SARAF: variants seen among roughly 807,000 people sequenced by gnomAD.
SARAF encodes the protein store-operated calcium entry associated regulatory factor, also known as store-operated calcium entry-associated regulatory factor.
SARAF carries 23 observed loss-of-function variants against 39.7 expected under a neutral mutation model. The ratio of observed to expected loss-of-function variants is 0.58; its 90% CI spans 0.42 to 0.82. The LOEUF (loss-of-function observed/expected upper bound fraction) is 0.82. SARAF is among the 40% of genes least tolerant of loss of function. The pLI is 0.00. For missense variants in SARAF, 384 were observed against 418.5 expected (o/e 0.92, Z 0.72); for synonymous variants, 175 against 168.5 (o/e 1.04, Z -0.30).
intron 3 of SARAF, among the ~76,000 whole-genome samples, chr8:30,067,468 C>A (rs1387127134): frequency 1.3e-5 from 2 of 152,110 alleles, no homozygotes; most frequent in African/African-American, 2.4e-5. Context: ...TACATATGTA[C>A]CTATCCATGT....
chr8:30,077,680 T>G (rs1050959533), intron 1 of SARAF, among the ~76,000 whole-genome samples: 3 of 151,190 alleles, frequency 2.0e-5, no homozygotes, highest in Non-Finnish European at 4.4e-5. Flanking sequence ...CGCGTGCCTG[T>G]AGTCCCAGCT....
At chr8:30,075,991 C>CAAAAAAAAAA (rs1300124776) in intron 1 of SARAF, among the ~76,000 whole-genome samples, 2 of 31,004 alleles carry the variant, frequency 6.5e-5, no homozygotes, top group African/African-American at 9.6e-5. Flanking sequence ...TAAAAAAAAA[C>CAAAAAAAAAA]AAAAAAAAAA....
intron 2 of SARAF, 59 bp downstream of exon 2, chr8:30,073,818 A>G (rs1585440582): frequency 1.3e-6 from 2 of 1,492,676 alleles, no homozygotes; most frequent in East Asian, 2.3e-5. Context: ...TAATGTCCCA[A>G]TAAACAATTT....
At chr8:30,083,165 G>C, upstream of SARAF, 1 of 465,452 alleles carries the variant, frequency 2.1e-6, no homozygotes. Context: ...GTGGGCCCCC[G>C]CCCCTGGAGC....
In SARAF at chr8:30,082,872, GC is replaced by G; in HGVS notation, c.77del (p.Gly26AlafsTer17). ...CAGGGTCGTTCCAGCCCAGGGCAGG[GC>G]CCGCGGTCAGCAGAAACAAATGCAA... ...LGLHLFLLTA[G>X]PALGWNDPDR... On this transcript the variant is annotated frameshift_variant, in exon 1 of 6. Coordinates refer to ENST00000256255, the MANE Select transcript of SARAF (RefSeq NM_016127.6). LOFTEE classifies it high-confidence loss of function. 1 of 1,556,348 alleles carries G rather than the reference GC, an allele frequency of 6.4e-7. No individual in the cohort carries two copies. Among genetic ancestry groups the G allele is most frequent in the Non-Finnish European group, 8.7e-7 (1 of 1,152,600 alleles).
chr8:30,065,956 AG>A (rs1260306243), intron 5 of SARAF, 31 bp downstream of exon 5: 1 of 1,551,562 alleles, frequency 6.4e-7, no homozygotes. Context: ...CTTTACTCCT[AG>A]GTAAAAGGAA....
At chr8:30,066,294 T>G (rs1801692650) in intron 4 of SARAF, among the ~76,000 whole-genome samples, 155 bp from the exon 5 acceptor site, 1 of 152,194 alleles carries the variant, frequency 6.6e-6, no homozygotes, top group Non-Finnish European at 1.5e-5. Context: ...TAAAAACCGT[T>G]TCATATTTCT....
At position 30,082,827 on chromosome 8, in the gene SARAF, A is replaced by C. The variant is rs1470141661; in HGVS notation, c.103+20T>G. 6.7e-7 allele frequency: 1 copy of C among 1,501,736 alleles called. No homozygotes were observed. The allele number at this position is 1,501,736 out of a possible 1,614,324, so 93.0% of individuals were successfully genotyped here. A position where few individuals can be genotyped will look rare whatever the true frequency, so the allele number is the denominator to read the frequency against. ...CGGAAAAGGGCGAACGAAGCGCCTG[A>C]GGGCCCTGGCAGCACTCACCAGGGT... is the stretch of plus-strand genomic sequence containing the variant. On this transcript the variant is annotated intron_variant, in intron 1 of 5. Coordinates refer to ENST00000256255, the MANE Select transcript of SARAF (RefSeq NM_016127.6).
chr8:30,066,887 A>G lies in SARAF; in HGVS notation c.732T>C (p.Ser244=), dbSNP rs895961710. The change falls in exon 4 of 6, where the codon TCT becomes TCC. Residue 244 remains serine (S), a synonymous_variant. Coordinates refer to ENST00000256255, the MANE Select transcript of SARAF (RefSeq NM_016127.6). ...GPQNTGHGAT[S]GFGSAFTGQQ... ...GTCCTGTAAAAGCACTGCCAAAACC[A>G]GAAGTTGCACCATGGCCAGTATTCT... 5 of 1,614,052 alleles carry G rather than the reference A, an allele frequency of 3.1e-6. No homozygotes were observed. In the African/African-American group the frequency reaches 5.3e-5, roughly 17 times the overall value.
intron 2 of SARAF, chr8:30,073,616 T>C (rs1801893671): frequency 2.7e-6 from 1 of 363,648 alleles, no homozygotes; most frequent in African/African-American, 2.1e-5. Flanking sequence ...CCCTCAAGTA[T>C]ATAAAAAGTT....
rs1463931690 is a variant in SARAF, at chr8:30,082,860, G to A, written c.90C>T (p.Gly30=). ...GGCAGCACTCACCAGGGTCGTTCCA[G>A]CCCAGGGCAGGGCCCGCGGTCAGCA... is the stretch of plus-strand genomic sequence containing the variant. ...LFLLTAGPAL[G]WNDPDRMLLR... is the part of the protein sequence containing the mutation. The change falls in exon 1 of 6, where the codon GGC becomes GGT. Residue 30 remains glycine, a synonymous_variant. Coordinates refer to ENST00000256255, the MANE Select transcript of SARAF (RefSeq NM_016127.6). 6.4e-7 allele frequency: 1 copy of A among 1,552,646 alleles called. No homozygotes were observed. Among genetic ancestry groups the A allele is most frequent in the East Asian group, 2.5e-5 (1 of 40,526 alleles).
intron 5 of SARAF, among the ~76,000 whole-genome samples, chr8:30,065,051 T>G (rs1801652285): frequency 6.6e-6 from 1 of 152,198 alleles, no homozygotes; most frequent in African/African-American, 2.4e-5. Context: ...GGTAGATCTA[T>G]CCATGTTATT....
chr8:30,075,341 A>G (rs948583110), intron 1 of SARAF, among the ~76,000 whole-genome samples: 8 of 152,134 alleles, frequency 5.3e-5, no homozygotes, highest in Admixed American at 4.6e-4. Flanking sequence ...TTATTGGAAA[A>G]TAAGGACAAA....
chr8:30,077,068 A>G (rs1473471270), intron 1 of SARAF, among the ~76,000 whole-genome samples: 1 of 152,244 alleles, frequency 6.6e-6, no homozygotes, highest in African/African-American at 2.4e-5. Flanking sequence ...GATAAGAGAA[A>G]AAGACTGCGT....
chr8:30,081,530 T>A (rs7814718), intron 1 of SARAF, among the ~76,000 whole-genome samples: 1 of 152,368 alleles, frequency 6.6e-6, no homozygotes, highest in Non-Finnish European at 1.5e-5. Context: ...GGTAATAAAA[T>A]GTCCACATCA....
At position 30,083,002 on chromosome 8, in the gene SARAF, G is replaced by T. The variant is rs11538830; in HGVS notation, c.-53C>A. 1 of 1,389,974 alleles carries T rather than the reference G, an allele frequency of 7.2e-7. No homozygotes were observed. Among genetic ancestry groups the T allele is most frequent in the Non-Finnish European group, 9.7e-7 (1 of 1,026,960 alleles). 86.1% of individuals were successfully genotyped at this position (1,389,974 alleles called of 1,614,324 possible). The stretch of plus-strand genomic sequence containing the variant: ...GCCAGACGCCTACGGGCCGAACCTG[G>T]GTGCGGTAGCGCGCGCGACGCTGCG... On this transcript the variant is annotated 5_prime_UTR_variant, in exon 1 of 6. Transcript: ENST00000256255.
chr8:30,079,382 T>C (rs1440125486), intron 1 of SARAF, among the ~76,000 whole-genome samples: 3 of 152,098 alleles, frequency 2.0e-5, no homozygotes, highest in Non-Finnish European at 4.4e-5. Flanking sequence ...CCTAAAGCTA[T>C]ATAAAAATTT....
At chr8:30,077,669 GCGC>G (rs1801999628) in intron 1 of SARAF, among the ~76,000 whole-genome samples, 1 of 151,848 alleles carries the variant, frequency 6.6e-6, no homozygotes, top group African/African-American at 2.4e-5. Flanking sequence ...GGGGATGGTG[GCGC>G]GTGCCTGTAG....
intron 4 of SARAF, 23 bp from the exon 5 acceptor site, chr8:30,066,162 T>G (rs1168189847): frequency 1.3e-6 from 2 of 1,553,514 alleles, no homozygotes; most frequent in Admixed American, 3.6e-5. Flanking sequence ...AAAAGTAGGT[T>G]AGGCATTTTT....
Sources: allele counts gnomAD v4.1 joint callset (sites outside exome capture counted in the v4.1 genomes callset), GRCh38; gene constraint gnomAD v4.1.1; transcripts MANE v1.5; gene names NCBI Gene and HGNC (gene_info 2026-07-23, HGNC 2026-07-21).